The following SGCD variants were observed in gnomAD, a reference collection of about 807,000 sequenced individuals.
The protein encoded by SGCD is sarcoglycan delta.
In SGCD, 18 loss-of-function variants were observed where a neutral mutation model predicts 36.6. The ratio of observed to expected loss-of-function variants is 0.49; its 90% CI spans 0.34 to 0.73. The LOEUF (loss-of-function observed/expected upper bound fraction) is 0.73. SGCD is among the 30% of genes least tolerant of loss of function. SGCD has a pLI of 0.01. For missense variants in SGCD, 387 were observed against 346.7 expected (o/e 1.12, Z -0.92); for synonymous variants, 133 against 130.6 (o/e 1.02, Z -0.12).
At chr5:155,828,300 G>C in the SGCD span, among the ~76,000 whole-genome samples, 1 of 152,126 alleles carries the variant, frequency 6.6e-6, no homozygotes, top group Non-Finnish European at 1.5e-5. Flanking sequence ...AGAGGAGTGA[G>C]ACTTAGCTAT....
At chr5:156,471,243 C>T (rs971586124) in intron 3 of SGCD, among the ~76,000 whole-genome samples, 2 of 152,130 alleles carry the variant, frequency 1.3e-5, no homozygotes, top group African/African-American at 4.8e-5. Context: ...TCACATTCAT[C>T]TATAGTGTTA....
intron 3 of SGCD, among the ~76,000 whole-genome samples, chr5:156,284,912 A>T (rs1265828799): frequency 1.1e-4 from 17 of 152,246 alleles, no homozygotes; most frequent in Non-Finnish European, 1.5e-5. Flanking sequence ...ATGATTGTGT[A>T]TCTAGAAAAC....
intron 3 of SGCD, among the ~76,000 whole-genome samples, chr5:156,366,301 G>T (rs1430566610): frequency 6.6e-6 from 1 of 152,182 alleles, no homozygotes; most frequent in Non-Finnish European, 1.5e-5. Context: ...CAGAAGAAAG[G>T]TTTAGAAAAT....
At chr5:156,238,742 A>G (rs1233803820) in intron 3 of SGCD, among the ~76,000 whole-genome samples, 3 of 152,212 alleles carry the variant, frequency 2.0e-5, no homozygotes, top group Non-Finnish European at 4.4e-5. Flanking sequence ...ACAGAGTGCC[A>G]ATATCCCTAA....
chr5:156,196,886 AC>A (rs1764036058), intron 3 of SGCD, among the ~76,000 whole-genome samples: 1 of 152,212 alleles, frequency 6.6e-6, no homozygotes, highest in African/African-American at 2.4e-5. Flanking sequence ...CATACACTTT[AC>A]ATTTATCAAA....
At chr5:156,457,132 T>A (rs903128486) in intron 3 of SGCD, among the ~76,000 whole-genome samples, 1 of 152,190 alleles carries the variant, frequency 6.6e-6, no homozygotes, top group African/African-American at 2.4e-5. Flanking sequence ...AAAATCTTTG[T>A]TTATTGTACT....
intron 1 of SGCD, among the ~76,000 whole-genome samples, chr5:155,901,442 G>T (rs1437433963): frequency 1.3e-5 from 2 of 152,112 alleles, no homozygotes; most frequent in African/African-American, 2.4e-5. Flanking sequence ...AACTCTGAGG[G>T]CCCTAAGGAG....
intron 3 of SGCD, among the ~76,000 whole-genome samples, chr5:156,464,881 A>AT (rs1561713116): frequency 6.6e-6 from 1 of 152,106 alleles, no homozygotes; most frequent in Non-Finnish European, 1.5e-5. Flanking sequence ...ATTGCTATTG[A>AT]TTTTTTTAAA....
intron 1 of SGCD, among the ~76,000 whole-genome samples, chr5:155,889,444 T>G (rs1427046395): frequency 6.6e-6 from 1 of 151,830 alleles, no homozygotes; most frequent in Non-Finnish European, 1.5e-5. Context: ...AGAGGCAGAG[T>G]TTTTTGAGTT....
At chr5:155,861,992 A>G in the SGCD span, among the ~76,000 whole-genome samples, 381 of 152,270 alleles carry the variant, frequency 2.5e-3, 1 homozygote, top group African/African-American at 8.0e-3. Flanking sequence ...GGAGATAGAG[A>G]GAAAGAAGAA....
intron 4 of SGCD, among the ~76,000 whole-genome samples, chr5:156,517,608 C>T (rs1461854049): frequency 1.3e-5 from 2 of 152,138 alleles, no homozygotes; most frequent in African/African-American, 2.4e-5. Flanking sequence ...GTTCAGGCCA[C>T]CTAGCAAAAG....
chr5:155,833,001 A>C, the SGCD span, among the ~76,000 whole-genome samples: 9 of 148,972 alleles, frequency 6.0e-5, no homozygotes, highest in Non-Finnish European at 1.0e-4. Flanking sequence ...CGAGGTCAGA[A>C]GTTCAAGACC....
chr5:156,297,908 C>T lies in SGCD; in HGVS notation c.-43-31626C>T, dbSNP rs147752433. Among the ~76,000 whole-genome samples the T allele has an allele frequency of 1.7e-3, 261 of 152,078 alleles. 3 individuals carry two copies. Among genetic ancestry groups the T allele is most frequent in the African/African-American group, 6.0e-3 (247 of 41,500 alleles). On this transcript the variant is annotated intron_variant, in intron 3 of 9. Transcript: ENST00000517913. ...CTAACTATATTTTTGTACTCAGTAG[C>T]TATCCCCCGCCCACCCCCAATCCCA...
chr5:155,881,797 G>T (rs1167595980), intron 1 of SGCD, among the ~76,000 whole-genome samples: 1 of 152,178 alleles, frequency 6.6e-6, no homozygotes, highest in African/African-American at 2.4e-5. Context: ...ACCCTTTGTT[G>T]TCATTTCAAC....
intron 4 of SGCD, among the ~76,000 whole-genome samples, chr5:156,533,070 G>A (rs560686835): frequency 6.6e-6 from 1 of 152,076 alleles, no homozygotes; most frequent in South Asian, 2.1e-4. Flanking sequence ...GATCTGTGCT[G>A]CTTACCCAGC....
At chr5:156,242,087 A>G (rs1341834441) in intron 3 of SGCD, among the ~76,000 whole-genome samples, 1 of 152,232 alleles carries the variant, frequency 6.6e-6, no homozygotes, top group Non-Finnish European at 1.5e-5. Context: ...TGTTCATCAT[A>G]GCCCAAAACT....
chr5:156,398,621 T>C (rs1435893484), intron 3 of SGCD, among the ~76,000 whole-genome samples: 2 of 152,200 alleles, frequency 1.3e-5, no homozygotes, highest in African/African-American at 2.4e-5. Context: ...TTTCCCAGCC[T>C]CTCTTGCATT....
At chr5:156,042,984 G>C (rs1215662249) in intron 1 of SGCD, among the ~76,000 whole-genome samples, 2 of 152,122 alleles carry the variant, frequency 1.3e-5, no homozygotes, top group African/African-American at 4.8e-5. Flanking sequence ...TTGGGGAAAG[G>C]CTATTGTCAT....
At chr5:156,438,653 A>G (rs1234824410) in intron 3 of SGCD, among the ~76,000 whole-genome samples, 1 of 152,158 alleles carries the variant, frequency 6.6e-6, no homozygotes. Context: ...TTTAGCGATT[A>G]ATCATATTCT....
Sources: gnomAD v4.1 joint callset for allele counts (sites outside exome capture counted in the v4.1 genomes callset) on GRCh38, gnomAD v4.1.1 for gene constraint, MANE v1.5 for transcripts, NCBI Gene and HGNC (gene_info 2026-07-23, HGNC 2026-07-21) for gene names.